FNDC1: variants seen among roughly 807,000 people sequenced by gnomAD.
FNDC1 encodes the protein fibronectin type III domain containing 1.
FNDC1 carries 96 observed loss-of-function variants against 168.0 expected under a neutral mutation model. The observed-to-expected ratio is 0.57, with a 90% confidence interval of 0.48 to 0.68. The LOEUF (loss-of-function observed/expected upper bound fraction) is 0.68, where lower values mean the gene tolerates loss of function less well. Among genes scored for constraint, FNDC1 ranks in the 30% least tolerant of loss-of-function variants. The pLI, the probability that FNDC1 is intolerant of heterozygous loss-of-function variation, is 0.00. For synonymous variants in FNDC1, 1,099 were observed against 1,025.9 expected (o/e 1.07, Z -1.36); for missense variants, 2,587 against 2,482.1 (o/e 1.04, Z -0.90).
In FNDC1 at chr6:159,178,451, C is replaced by T. The variant is rs531224515; in HGVS notation, c.109+8746C>T. Among the ~76,000 whole-genome samples, 5 of 152,224 alleles carry T rather than the reference C, an allele frequency of 3.3e-5. No individual in the cohort carries two copies. The South Asian group carries it at 6.2e-4, about 19-fold the overall frequency. The stretch of plus-strand genomic sequence containing the variant: ...TACCATGTACCCTCCACCTAGTTTC[C>T]CCTAAAGGCGGCATTTGCATAGCTG... On this transcript the variant is annotated intron_variant, in intron 1 of 22. Coordinates refer to ENST00000297267, the MANE Select transcript of FNDC1 (RefSeq NM_032532.3).
chr6:159,206,368 C>T (rs114954506), intron 4 of FNDC1, among the ~76,000 whole-genome samples: 4 of 152,230 alleles, frequency 2.6e-5, no homozygotes, highest in African/African-American at 9.6e-5. Context: ...TTAGTGTGCA[C>T]TTCACAGGAC....
chr6:159,221,740 G>C, intron 6 of FNDC1, 44 bp downstream of exon 6: 1 of 1,387,656 alleles, frequency 7.2e-7, no homozygotes. Context: ...AGTCTGGTAT[G>C]AATGCTATGT....
intron 22 of FNDC1, among the ~76,000 whole-genome samples, chr6:159,268,991 T>TATCC (rs199923245): frequency 0.61 from 78,639 of 129,852 alleles, 21,806 homozygotes; most frequent in Admixed American, 0.63. Flanking sequence ...TGTATCTATT[T>TATCC]ATCCATCCAT....
intron 22 of FNDC1, among the ~76,000 whole-genome samples, chr6:159,268,785 T>A (rs1182271171): frequency 4.0e-5 from 6 of 151,742 alleles, no homozygotes; most frequent in South Asian, 2.1e-4. Flanking sequence ...CACATCTACT[T>A]ATGTATGTGT....
At chr6:159,188,429 C>T (rs1161140264) in intron 1 of FNDC1, among the ~76,000 whole-genome samples, 2 of 149,984 alleles carry the variant, frequency 1.3e-5, no homozygotes, top group Non-Finnish European at 3.0e-5. Context: ...GGCTGGAGTC[C>T]AGTGGCGCAA....
intron 5 of FNDC1, chr6:159,218,199 T>A (rs1782744282): frequency 6.6e-6 from 1 of 152,232 alleles, no homozygotes; most frequent in Non-Finnish European, 1.5e-5. Context: ...TGTTTTTATT[T>A]CTTCAGTGGT....
At chr6:159,185,055 T>G in intron 1 of FNDC1, among the ~76,000 whole-genome samples, 2 of 75,314 alleles carry the variant, frequency 2.7e-5, no homozygotes, top group South Asian at 6.2e-4. Flanking sequence ...AGCTGGTGGT[T>G]TATATGGAGG....
chr6:159,216,547 TTG>T (rs1218430216), intron 5 of FNDC1, among the ~76,000 whole-genome samples: 1 of 152,152 alleles, frequency 6.6e-6, no homozygotes, highest in Non-Finnish European at 1.5e-5. Flanking sequence ...TGCTTCCTGC[TTG>T]TGGAGATAGT....
At chr6:159,256,490 T>C (rs1426550349) in intron 17 of FNDC1, 33 bp from the exon 18 acceptor site, 1 of 1,491,862 alleles carries the variant, frequency 6.7e-7, no homozygotes, top group Non-Finnish European at 9.3e-7. Flanking sequence ...GGTTCCTTGG[T>C]GTCCATTGGG....
chr6:159,232,336 C>A lies in FNDC1; in HGVS notation c.1824C>A (p.Pro608=). Residue 608 remains proline, a synonymous_variant, in exon 11 of 23, where the codon CCC becomes CCA. Coordinates refer to ENST00000297267, the MANE Select transcript of FNDC1 (RefSeq NM_032532.3). The surrounding 1 kb of genome is among the most constrained non-coding windows in gnomAD (Gnocchi z 4.9). ...CTGGCTTTTCCCTGGCCACGCAGCC[C>A]CGCCCAGGGGCGCCCCCCTCGGCTT... ...DKPGFSLATQ[P]RPGAPPSASA... The A allele has an allele frequency of 6.2e-7, 1 of 1,613,450 alleles. No individual in the cohort carries two copies. Among genetic ancestry groups the A allele is most frequent in the African/African-American group, 1.3e-5 (1 of 75,048 alleles).
At chr6:159,188,383 T>G (rs368920401) in intron 1 of FNDC1, among the ~76,000 whole-genome samples, 2 of 94,656 alleles carry the variant, frequency 2.1e-5, no homozygotes, top group African/African-American at 1.1e-4. Context: ...TTTTTTTTTT[T>G]TTTTTTTTTG....
chr6:159,236,435 C>G lies in FNDC1; in HGVS notation c.4068+120C>G, dbSNP rs1025598432. 7.3e-6 allele frequency: 5 copies of G among 688,120 alleles called. No homozygotes were observed. The Admixed American group carries it at 1.3e-4, about 18-fold the overall frequency. 42.6% of individuals were successfully genotyped at this position (688,120 alleles called of 1,614,324 possible). A position where few individuals can be genotyped will look rare whatever the true frequency, so the allele number is the denominator to read the frequency against. ...GTTTGTTCTTCTTCTCTAGTTTTAA[C>G]TACTTATATGTACTTGTATAGAGTT... is the stretch of plus-strand genomic sequence containing the variant. On this transcript the variant is annotated intron_variant, in intron 12 of 22. Transcript: ENST00000297267.
chr6:159,214,812 T>A, intron 4 of FNDC1, 133 bp from the exon 5 acceptor site: 1 of 706,774 alleles, frequency 1.4e-6, no homozygotes, highest in East Asian at 2.7e-5. Context: ...TTACTAGAAT[T>A]AGTTACCAAG....
intron 17 of FNDC1, among the ~76,000 whole-genome samples, chr6:159,256,128 C>G (rs1422949095): frequency 6.6e-6 from 1 of 152,220 alleles, no homozygotes; most frequent in Admixed American, 6.5e-5. Context: ...TTCTTCGTTT[C>G]CTGTGCAGGG....
chr6:159,264,896 T>G, intron 19 of FNDC1, 79 bp from the exon 20 acceptor site: 2 of 1,185,100 alleles, frequency 1.7e-6, no homozygotes, highest in South Asian at 3.0e-5. Context: ...GTTAGCTATT[T>G]CAGTTACACT....
At chr6:159,237,868 G>A (rs1274616016) in intron 12 of FNDC1, among the ~76,000 whole-genome samples, 3 of 152,054 alleles carry the variant, frequency 2.0e-5, no homozygotes, top group Non-Finnish European at 4.4e-5. Context: ...TCACATATAC[G>A]TAGAACGTAT....
At chr6:159,180,600 A>T (rs1781858087) in intron 1 of FNDC1, among the ~76,000 whole-genome samples, 2 of 152,050 alleles carry the variant, frequency 1.3e-5, no homozygotes, top group African/African-American at 4.8e-5. Context: ...CCTGGCATGC[A>T]TTAGTTATTT....
chr6:159,247,851 G>A (rs546322753), intron 15 of FNDC1, among the ~76,000 whole-genome samples: 6 of 152,202 alleles, frequency 3.9e-5, no homozygotes, highest in Non-Finnish European at 8.8e-5. Context: ...TTAGGACCTT[G>A]TGATTGTTTT....
chr6:159,205,113 G>A (rs1456107607), intron 4 of FNDC1, among the ~76,000 whole-genome samples: 14 of 152,148 alleles, frequency 9.2e-5, no homozygotes, highest in Admixed American at 9.2e-4. Flanking sequence ...GCAGATCTGG[G>A]GTGGGATTCA....
Sources: allele counts gnomAD v4.1 joint callset (sites outside exome capture counted in the v4.1 genomes callset), GRCh38; gene constraint gnomAD v4.1.1; non-coding constraint Gnocchi (gnomAD v3.1); transcripts MANE v1.5; gene names NCBI Gene and HGNC (gene_info 2026-07-23, HGNC 2026-07-21).